SUSD4: variants seen among roughly 807,000 people sequenced by gnomAD.
SUSD4 encodes sushi domain-containing protein 4.
SUSD4 carries 41 observed loss-of-function variants against 50.5 expected under a neutral mutation model. The observed-to-expected ratio is 0.81, with a 90% CI of 0.63 to 1.05. The LOEUF (loss-of-function observed/expected upper bound fraction) is 1.05, where lower values mean the gene tolerates loss of function less well. Ranked by LOEUF, SUSD4 falls within the 50% of genes least tolerant of loss-of-function variation. SUSD4 has a pLI of 0.00. For synonymous variants in SUSD4, 257 were observed against 257.3 expected, an observed-to-expected ratio of 1.00 and a Z score of 0.01; for missense variants, 580 against 634.7, an observed-to-expected ratio of 0.91 and a Z score of 0.93.
chr1:223,343,861 TC>T (rs1053607075), intron 2 of SUSD4, among the ~76,000 whole-genome samples: 1 of 152,140 alleles, frequency 6.6e-6, no homozygotes, highest in Non-Finnish European at 1.5e-5. Flanking sequence ...CCTTATCTTC[TC>T]CCTGACCCTT....
chr1:223,287,150 A>G (rs1032640633), intron 3 of SUSD4, among the ~76,000 whole-genome samples: 1 of 152,238 alleles, frequency 6.6e-6, no homozygotes, highest in Non-Finnish European at 1.5e-5. Context: ...ATATCGGTTC[A>G]CTGCAACCTC....
At chr1:223,286,873 T>C (rs1029755197) in intron 3 of SUSD4, among the ~76,000 whole-genome samples, 1 of 152,154 alleles carries the variant, frequency 6.6e-6, no homozygotes, top group Non-Finnish European at 1.5e-5. Flanking sequence ...ATGAGCTTGT[T>C]CTTTGTGTTG....
intron 3 of SUSD4, among the ~76,000 whole-genome samples, chr1:223,288,545 A>G (rs780868803): frequency 6.6e-6 from 1 of 152,202 alleles, no homozygotes; most frequent in Non-Finnish European, 1.5e-5. Context: ...CCAAACCAGG[A>G]GCTGAGTGCA....
rs565101949 is a variant in SUSD4 at position 223,351,693 on chromosome 1, G to A, written c.148+11585C>T. 3.3e-5 allele frequency among the ~76,000 whole-genome samples: 5 copies of A among 152,230 alleles called. No homozygotes were observed. In the South Asian group the frequency reaches 1.0e-3, roughly 32 times the overall value. ...TGAATGGGGTCAGCAGGGCTAACAT[G>A]AATTTTGTTCCACCCTAGATTTTCC... is the stretch of plus-strand genomic sequence containing the variant. On this transcript the variant is annotated intron_variant, in intron 2 of 8. Coordinates refer to ENST00000366878, the MANE Select transcript of SUSD4 (RefSeq NM_017982.4).
Position 223,229,393 on chromosome 1 carries a change from G to A in SUSD4, c.725-5C>T. ...CCATTGGAGGTAGTGGACAGACTTG[G>A]GCAGTAGGGGAGAATAAAAGTTTCA... On this transcript the variant is annotated splice_polypyrimidine_tract_variant and splice_region_variant and intron_variant, in intron 5 of 8. Coordinates refer to ENST00000366878, the MANE Select transcript of SUSD4 (RefSeq NM_017982.4). The surrounding 1 kb of genome is among the most constrained non-coding windows in gnomAD (Gnocchi z 4.7). The A allele has an allele frequency of 1.3e-6, 2 of 1,579,150 alleles. No homozygotes were observed. The highest frequency in any genetic ancestry group is 1.7e-6 in the Non-Finnish European group (2 of 1,153,056).
intron 5 of SUSD4, among the ~76,000 whole-genome samples, chr1:223,248,720 A>G (rs1372417047): frequency 2.0e-5 from 3 of 152,200 alleles, no homozygotes; most frequent in African/African-American, 7.2e-5. Context: ...GACAGATCAA[A>G]TTTAAGATCA....
chr1:223,255,618 A>G (rs1661630988), intron 5 of SUSD4, among the ~76,000 whole-genome samples: 1 of 152,112 alleles, frequency 6.6e-6, no homozygotes, highest in Non-Finnish European at 1.5e-5. Context: ...TATGTTCCAG[A>G]ACCCCTGGCC....
intron 5 of SUSD4, among the ~76,000 whole-genome samples, chr1:223,262,655 C>T (rs1470588484): frequency 6.6e-6 from 1 of 152,146 alleles, no homozygotes; most frequent in Non-Finnish European, 1.5e-5. Flanking sequence ...AAGAAATAAT[C>T]CTTTAGTCCC....
At chr1:223,347,170 T>C (rs949663607) in intron 2 of SUSD4, among the ~76,000 whole-genome samples, 1 of 152,184 alleles carries the variant, frequency 6.6e-6, no homozygotes, top group African/African-American at 2.4e-5. Context: ...TGGGCATCCA[T>C]CCCTTCAAGC....
chr1:223,306,951 G>GT (rs11379914), intron 2 of SUSD4, among the ~76,000 whole-genome samples: 56,619 of 144,260 alleles, frequency 0.39, 10,861 homozygotes, highest in East Asian at 0.57. Context: ...ATATGGATGA[G>GT]TTTTTTTTTT....
intron 2 of SUSD4, among the ~76,000 whole-genome samples, chr1:223,341,275 C>A (rs1667740910): frequency 6.6e-6 from 1 of 152,204 alleles, no homozygotes; most frequent in Admixed American, 6.5e-5. Flanking sequence ...TGGCAGTCCA[C>A]AGGCACTGCT....
rs569329773 is a variant in SUSD4 at position 223,264,230 on chromosome 1, A to G, written c.724+400T>C. On this transcript the variant is annotated intron_variant, in intron 5 of 8. Transcript: ENST00000366878. ...GCAGCAAAACATTTACAGCTAAGCC[A>G]TAAAGTGCATGGAAATATGGAGGAA... 1.2e-4 allele frequency: 120 copies of G among 985,468 alleles called. No individual in the cohort carries two copies. The South Asian group carries it at 4.8e-3, about 40-fold the overall frequency. The allele number at this position is 985,468 out of a possible 1,614,324, so 61.0% of individuals were successfully genotyped here. A position where few individuals can be genotyped will look rare whatever the true frequency, so the allele number is the denominator to read the frequency against.
At chr1:223,244,209 G>C (rs184228110) in intron 5 of SUSD4, among the ~76,000 whole-genome samples, 24 of 152,318 alleles carry the variant, frequency 1.6e-4, no homozygotes, top group Admixed American at 1.2e-3. Flanking sequence ...GTTCTTTTAT[G>C]CACAGTAAGA....
Position 223,223,241 on chromosome 1 carries a change from G to A in SUSD4, c.1444+8C>T. 6.6e-7 allele frequency: 1 copy of A among 1,525,112 alleles called. No homozygotes were observed. 94.5% of individuals were successfully genotyped at this position (1,525,112 alleles called of 1,614,324 possible). A position where few individuals can be genotyped will look rare whatever the true frequency, so the allele number is the denominator to read the frequency against. ...AGGTGTGGCTTGGGCCCTGGGGCAA[G>A]CACTTACCATCTGCAATGTCGATGC... is the stretch of plus-strand genomic sequence containing the variant. On this transcript the variant is annotated splice_region_variant and intron_variant, in intron 8 of 8. Transcript: ENST00000366878.
At chr1:223,342,663 T>C (rs1255525432) in intron 2 of SUSD4, among the ~76,000 whole-genome samples, 3 of 152,226 alleles carry the variant, frequency 2.0e-5, no homozygotes, top group Non-Finnish European at 4.4e-5. Context: ...AAGGATAGAC[T>C]ATTCAATAAA....
chr1:223,277,341 G>A (rs1663351446), intron 3 of SUSD4, among the ~76,000 whole-genome samples: 1 of 151,810 alleles, frequency 6.6e-6, no homozygotes, highest in Non-Finnish European at 1.5e-5. Context: ...GCAAGGAACC[G>A]AGACAAGGTT....
chr1:223,281,640 G>C (rs1266290504), intron 3 of SUSD4, among the ~76,000 whole-genome samples: 1 of 152,158 alleles, frequency 6.6e-6, no homozygotes, highest in Non-Finnish European at 1.5e-5. Flanking sequence ...TGGATTCACA[G>C]CCGAATTCTA....
At chr1:223,353,970 G>A (rs901113549) in intron 2 of SUSD4, among the ~76,000 whole-genome samples, 1 of 151,840 alleles carries the variant, frequency 6.6e-6, no homozygotes, top group African/African-American at 2.4e-5. Flanking sequence ...GGCAGAAGCT[G>A]CAGCGAGCCG....
intron 5 of SUSD4, among the ~76,000 whole-genome samples, chr1:223,253,989 A>T (rs1035331822): frequency 5.9e-5 from 9 of 152,240 alleles, no homozygotes; most frequent in African/African-American, 1.9e-4. Context: ...GATTTGCAAA[A>T]ATAGGAGGGG....
Sources: gnomAD v4.1 joint callset for allele counts (sites outside exome capture counted in the v4.1 genomes callset) on GRCh38, gnomAD v4.1.1 for gene constraint, Gnocchi (gnomAD v3.1) non-coding constraint, MANE v1.5 for transcripts, NCBI Gene and HGNC (gene_info 2026-07-23, HGNC 2026-07-21) for gene names.